KLF12: variants seen among roughly 807,000 people sequenced by gnomAD.
The protein encoded by KLF12 is KLF transcription factor 12, also known as Krueppel-like factor 12.
Under a neutral mutation model 37.8 loss-of-function variants are expected in KLF12, and 9 were observed. The ratio of observed to expected loss-of-function variants is 0.24; its 90% confidence interval spans 0.14 to 0.42. The LOEUF (loss-of-function observed/expected upper bound fraction) is 0.42, where lower values mean the gene tolerates loss of function less well. KLF12 is among the 10% of genes least tolerant of loss of function. The pLI is 1.00. For missense variants in KLF12, 411 were observed against 516.0 expected (o/e 0.80, Z 1.97); for synonymous variants, 208 against 202.1 (o/e 1.03, Z -0.25).
chr13:74,122,895 T>C (rs549415089), intron 1 of KLF12, among the ~76,000 whole-genome samples: 1 of 145,986 alleles, frequency 6.8e-6, no homozygotes, highest in South Asian at 2.1e-4. Flanking sequence ...ACATAAGTTA[T>C]GGACTAATGG....
chr13:73,876,421 G>T (rs1886707447), intron 3 of KLF12, among the ~76,000 whole-genome samples: 1 of 152,174 alleles, frequency 6.6e-6, no homozygotes, highest in African/African-American at 2.4e-5. Context: ...ATAAGATCAG[G>T]TCCATTGGGA....
intron 6 of KLF12, among the ~76,000 whole-genome samples, chr13:73,752,249 T>C (rs758052370): frequency 2.4e-4 from 36 of 152,110 alleles, no homozygotes; most frequent in Non-Finnish European, 4.6e-4. Context: ...TCCCAAAGTG[T>C]TGGGATTACA....
At chr13:74,073,015 G>GT (rs1491132394) in intron 1 of KLF12, among the ~76,000 whole-genome samples, 1 of 152,164 alleles carries the variant, frequency 6.6e-6, no homozygotes, top group Non-Finnish European at 1.5e-5. Context: ...ATGATTGTGA[G>GT]TGTCTCATGA....
the KLF12 span, among the ~76,000 whole-genome samples, chr13:74,241,607 G>A: frequency 2.0e-4 from 31 of 152,316 alleles, no homozygotes; most frequent in Non-Finnish European, 4.0e-4. Flanking sequence ...GCGAGACTCC[G>A]TGGGCGTAGG....
chr13:73,884,550 T>C (rs1352953553), intron 3 of KLF12, among the ~76,000 whole-genome samples: 1 of 152,204 alleles, frequency 6.6e-6, no homozygotes, highest in Non-Finnish European at 1.5e-5. Context: ...GAGGAGTCTG[T>C]CAGGACAGAG....
chr13:74,116,069 T>C (rs1593913348), intron 1 of KLF12, among the ~76,000 whole-genome samples: 1 of 152,164 alleles, frequency 6.6e-6, no homozygotes, highest in Non-Finnish European at 1.5e-5. Flanking sequence ...TACACCCACA[T>C]GAAATAAACT....
intron 3 of KLF12, among the ~76,000 whole-genome samples, chr13:73,917,001 G>A (rs925340621): frequency 2.0e-5 from 3 of 152,240 alleles, no homozygotes; most frequent in Non-Finnish European, 2.9e-5. Context: ...CTAATATTCC[G>A]TAGGCCACTC....
At chr13:74,002,256 T>C (rs1892299435) in intron 1 of KLF12, among the ~76,000 whole-genome samples, 1 of 152,250 alleles carries the variant, frequency 6.6e-6, no homozygotes, top group Admixed American at 6.5e-5. Context: ...ACAAGCAAAT[T>C]AGTAGACTGT....
the KLF12 span, among the ~76,000 whole-genome samples, chr13:74,270,925 G>T: frequency 4.6e-5 from 7 of 152,072 alleles, no homozygotes; most frequent in Non-Finnish European, 1.0e-4. Flanking sequence ...TTTTGCTTAG[G>T]TTAGTTAGAA....
At chr13:73,821,153 C>T (rs995748499) in intron 4 of KLF12, among the ~76,000 whole-genome samples, 1 of 152,222 alleles carries the variant, frequency 6.6e-6, no homozygotes, top group Non-Finnish European at 1.5e-5. Context: ...CTAACTTCTT[C>T]ATCTCCTTTC....
chr13:73,943,474 T>C (rs1049253767), intron 3 of KLF12, among the ~76,000 whole-genome samples: 26 of 152,240 alleles, frequency 1.7e-4, no homozygotes, highest in African/African-American at 5.3e-4. Flanking sequence ...TTTCTTTCGC[T>C]TTTAGAAATT....
Position 74,120,573 on chromosome 13 carries a change from GAAAT to G in KLF12, c.-32+13162_-32+13165del, listed in dbSNP as rs1189461648. Among the ~76,000 whole-genome samples the G allele has an allele frequency of 3.3e-5, 5 of 151,770 alleles. No homozygotes were observed. In the South Asian group the frequency reaches 6.2e-4, roughly 19 times the overall value. On this transcript the variant is annotated intron_variant, in intron 1 of 7. Transcript: ENST00000377669. ...CTATATAAAAACATATCTACATAAAGAAATAAAAAAAACCCTGGAACTAGCAAAA... is the reference window on the plus strand; with the variant it reads ...CTATATAAAAACATATCTACATAAAGAAAAAAAACCCTGGAACTAGCAAAA...
intron 1 of KLF12, among the ~76,000 whole-genome samples, chr13:74,069,830 A>C (rs1464669650): frequency 6.6e-6 from 1 of 152,206 alleles, no homozygotes; most frequent in Non-Finnish European, 1.5e-5. Context: ...AATGGTTCCT[A>C]GGTTTAGGAA....
chr13:73,692,821 A>G lies in KLF12; in HGVS notation c.*2669T>C, dbSNP rs1175114690. Reference sequence around the variant, plus strand: ...AGAAGTACTGATACGTCAAAAGGGGAAAATGATGGAATGCTGACAGGTTTT... The same window carrying G: ...AGAAGTACTGATACGTCAAAAGGGGGAAATGATGGAATGCTGACAGGTTTT... On this transcript the variant is annotated 3_prime_UTR_variant, in exon 8 of 8. Transcript: ENST00000377669. 2.0e-5 allele frequency: 3 copies of G among 152,630 alleles called. No individual in the cohort carries two copies. The allele number at this position is 152,630 out of a possible 1,614,324, so 9.5% of individuals were successfully genotyped here.
chr13:74,045,198 A>G (rs1174031166), intron 1 of KLF12, among the ~76,000 whole-genome samples: 6 of 152,216 alleles, frequency 3.9e-5, no homozygotes, highest in Non-Finnish European at 7.3e-5. Flanking sequence ...CAGTGGAGAA[A>G]GCTGACAACC....
intron 4 of KLF12, among the ~76,000 whole-genome samples, chr13:73,839,094 T>TA (rs561297934): frequency 8.3e-6 from 1 of 119,928 alleles, no homozygotes; most frequent in African/African-American, 3.9e-5. Flanking sequence ...TGACATTAAC[T>TA]TTTTTTTTTT....
At chr13:73,811,195 A>AAGG (rs1882924942) in intron 5 of KLF12, among the ~76,000 whole-genome samples, 1 of 151,814 alleles carries the variant, frequency 6.6e-6, no homozygotes, top group East Asian at 1.9e-4. Context: ...TATGTTGGCC[A>AAGG]GGCTGGCCTT....
chr13:73,946,605 GA>G (rs1469338129), intron 2 of KLF12, among the ~76,000 whole-genome samples: 1 of 151,970 alleles, frequency 6.6e-6, no homozygotes, highest in East Asian at 1.9e-4. Context: ...AAACATTCTC[GA>G]TTTTTTTAAG....
chr13:74,160,232 T>G, the KLF12 span, among the ~76,000 whole-genome samples: 1 of 152,180 alleles, frequency 6.6e-6, no homozygotes, highest in Admixed American at 6.5e-5. Context: ...GACTGTGGTG[T>G]AATGGTATAT....
Sources: allele counts gnomAD v4.1 joint callset (sites outside exome capture counted in the v4.1 genomes callset), GRCh38; gene constraint gnomAD v4.1.1; transcripts MANE v1.5; gene names NCBI Gene and HGNC (gene_info 2026-07-23, HGNC 2026-07-21).